SNX8: variants seen among roughly 807,000 people sequenced by gnomAD.
SNX8 encodes the protein sorting nexin 8, also known as sorting nexin-8.
SNX8 carries 25 observed loss-of-function variants against 51.6 expected under a neutral mutation model. The observed-to-expected ratio is 0.48, with a 90% CI of 0.35 to 0.68. The LOEUF is 0.68. SNX8 is among the 30% of genes least tolerant of loss of function. SNX8 has a pLI of 0.00. For synonymous variants in SNX8, 324 were observed against 277.0 expected (o/e 1.17, Z -1.68); for missense variants, 695 against 624.0 (o/e 1.11, Z -1.21).
At chr7:2,320,296 G>T (rs1181603391) in intron 1 of SNX8, among the ~76,000 whole-genome samples, 2 of 151,952 alleles carry the variant, frequency 1.3e-5, no homozygotes, top group East Asian at 1.9e-4. Flanking sequence ...CGGAGGTTGT[G>T]GGGGAGGATT....
At chr7:2,308,567 C>T (rs1185195885) in intron 1 of SNX8, among the ~76,000 whole-genome samples, 1 of 148,098 alleles carries the variant, frequency 6.8e-6, no homozygotes, top group Admixed American at 7.0e-5. Flanking sequence ...ACGGGGGAGA[C>T]TGAGGCAGGA....
intron 1 of SNX8, among the ~76,000 whole-genome samples, chr7:2,285,282 G>T (rs1326471312): frequency 6.6e-6 from 1 of 151,738 alleles, no homozygotes; most frequent in African/African-American, 2.4e-5. Context: ...CCAGCTACTT[G>T]GGAGGCTGAG....
chr7:2,266,597 G>C (rs989134941), intron 5 of SNX8, among the ~76,000 whole-genome samples: 1 of 152,048 alleles, frequency 6.6e-6, no homozygotes, highest in African/African-American at 2.4e-5. Flanking sequence ...CACCCGCCTC[G>C]GCCTCCCAAA....
intron 1 of SNX8, among the ~76,000 whole-genome samples, chr7:2,312,944 C>A (rs570506618): frequency 6.6e-6 from 1 of 152,116 alleles, no homozygotes; most frequent in Non-Finnish European, 1.5e-5. Context: ...GTCGCCCAGG[C>A]TGGAGTGCAG....
At position 2,345,207 on chromosome 7, in the gene SNX8, A is replaced by C. The variant is rs143085048; in HGVS notation, c.-66+9015T>G. ...AACCAAAACAACCTACTTTTATACG[A>C]ATGTGAAGTGAATAAGAAATTGTGA... On this transcript the variant is annotated intron_variant, in intron 1 of 5. Transcript: ENST00000435336. Among the ~76,000 whole-genome samples, 337 of 152,318 alleles carry C rather than the reference A, an allele frequency of 2.2e-3. No individual in the cohort carries two copies. In the East Asian group the frequency reaches 0.032, roughly 14 times the overall value.
In SNX8 at chr7:2,264,435, C is replaced by CT; in HGVS notation, c.644dup (p.Ala216GlyfsTer16). On this transcript the variant is annotated frameshift_variant, in exon 6 of 11. Transcript: ENST00000222990. LOFTEE classifies it high-confidence loss of function. The stretch of plus-strand genomic sequence containing the variant: ...GCTCCCGGCTGATGGCAAACTGAGC[C>CT]TGGATGTCAGCTGGGAGGAAGTCCT... The CT allele has an allele frequency of 6.2e-7, 1 of 1,611,708 alleles. No individual in the cohort carries two copies. Among genetic ancestry groups the CT allele is most frequent in the Non-Finnish European group, 8.5e-7 (1 of 1,179,880 alleles).
chr7:2,259,204 C>G (rs1034838120), intron 7 of SNX8, among the ~76,000 whole-genome samples: 1 of 152,186 alleles, frequency 6.6e-6, no homozygotes, highest in Non-Finnish European at 1.5e-5. Context: ...CTGACCTGCA[C>G]AGCTCACCAC....
Position 2,254,686 on chromosome 7 carries a change from A to ATGC in SNX8, c.*367_*369dup. 3.4e-6 allele frequency: 1 copy of ATGC among 292,568 alleles called. No individual in the cohort carries two copies. The highest frequency in any genetic ancestry group is 1.0e-4 in the East Asian group (1 of 9,914). 18.1% of individuals were successfully genotyped at this position (292,568 alleles called of 1,614,324 possible). A position where few individuals can be genotyped will look rare whatever the true frequency, so the allele number is the denominator to read the frequency against. On this transcript the variant is annotated 3_prime_UTR_variant, in exon 11 of 11. Coordinates refer to ENST00000222990, the MANE Select transcript of SNX8 (RefSeq NM_013321.4). The stretch of plus-strand genomic sequence containing the variant: ...TCTCCTCGGCTGACCGAGCACCATG[A>ATGC]TGCTGCCCCTCCCGACTGTTCCAGC...
chr7:2,278,106 G>A lies in SNX8; in HGVS notation c.294C>T (p.Ser98=), dbSNP rs138971908. The A allele has an allele frequency of 2.2e-5, 35 of 1,612,604 alleles. No homozygotes were observed. In the East Asian group the frequency reaches 7.6e-4, roughly 35 times the overall value. Residue 98 remains serine, a synonymous_variant, in exon 2 of 11, where the codon TCC becomes TCT. Coordinates refer to ENST00000222990, the MANE Select transcript of SNX8 (RefSeq NM_013321.4). ...CACACAATTTGCCAGTTACCTGGCT[G>A]GAAACCTCATACTCCACATGCTTCA... ...LFLKHVEYEV[S]SQRFKSSVYR... is the part of the protein sequence containing the mutation.
At position 2,269,939 on chromosome 7, in the gene SNX8, A is replaced by C. The variant is rs1795603202; in HGVS notation, c.541-300T>G. The stretch of plus-strand genomic sequence containing the variant: ...CCAGAGAAACAGCCACTCCATCCAC[A>C]GACCAGGGGCGGCTCTGCAGAGAAA... On this transcript the variant is annotated intron_variant, in intron 4 of 10. Transcript: ENST00000222990. 2.6e-5 allele frequency among the ~76,000 whole-genome samples: 4 copies of C among 152,264 alleles called. 1 individual carries two copies. In the South Asian group the frequency reaches 8.3e-4, roughly 32 times the overall value.
chr7:2,317,337 G>T (rs1227051668), upstream of SNX8, among the ~76,000 whole-genome samples: 1 of 125,450 alleles, frequency 8.0e-6, no homozygotes, highest in African/African-American at 3.0e-5. Context: ...GGAGGGCAGT[G>T]GCATGATCTT....
chr7:2,264,549 G>T, intron 5 of SNX8, 91 bp from the exon 6 acceptor site: 1 of 1,349,202 alleles, frequency 7.4e-7, no homozygotes, highest in Non-Finnish European at 1.0e-6. Context: ...GCTGAGCCAC[G>T]GGAGACACAG....
intron 3 of SNX8, among the ~76,000 whole-genome samples, chr7:2,273,637 C>A (rs1795702195): frequency 6.6e-6 from 1 of 151,238 alleles, no homozygotes; most frequent in Non-Finnish European, 1.5e-5. Flanking sequence ...GGTGCGGTGG[C>A]TCACACCTGT....
At position 2,270,925 on chromosome 7, in the gene SNX8, C is replaced by G. The variant is rs151270389; in HGVS notation, c.540+925G>C. Among the ~76,000 whole-genome samples the G allele has an allele frequency of 8.5e-5, 13 of 152,310 alleles. No individual in the cohort carries two copies. In the East Asian group the frequency reaches 1.9e-3, roughly 23 times the overall value. ...ACCTCTATTCCAGTGGAGCCCCCGC[C>G]CCTCCCCGCACAGGGAGAGGGTCCT... is the stretch of plus-strand genomic sequence containing the variant. On this transcript the variant is annotated intron_variant, in intron 4 of 10. Transcript: ENST00000222990.
chr7:2,329,789 C>T (rs1401225091), intron 1 of SNX8, among the ~76,000 whole-genome samples: 1 of 151,638 alleles, frequency 6.6e-6, no homozygotes, highest in Non-Finnish European at 1.5e-5. Flanking sequence ...CTGCCCCAGA[C>T]CTGGCCCTAG....
chr7:2,323,139 G>C lies in SNX8; in HGVS notation c.-66+31083C>G, dbSNP rs182053747. Among the ~76,000 whole-genome samples, 155 of 152,070 alleles carry C rather than the reference G, an allele frequency of 1.0e-3. 1 individual carries two copies. The highest frequency in any genetic ancestry group is 3.6e-3 in the African/African-American group (148 of 41,506). On this transcript the variant is annotated intron_variant, in intron 1 of 5. Transcript: ENST00000435336. ...GAGGTCAGGAGTTCTAGACCAGCCC[G>C]GCCAATACGGTGAAACCCCATTCCT...
intron 1 of SNX8, among the ~76,000 whole-genome samples, chr7:2,329,682 A>G (rs1298068538): frequency 2.6e-5 from 4 of 152,124 alleles, no homozygotes; most frequent in Non-Finnish European, 2.9e-5. Context: ...AAGCCTCCAT[A>G]AAAATCCAAG....
chr7:2,339,598 T>TGTATAAAATTTGG (rs1778886957), intron 1 of SNX8, among the ~76,000 whole-genome samples: 1 of 152,158 alleles, frequency 6.6e-6, no homozygotes, highest in Admixed American at 6.6e-5. Context: ...CCCAAATTGA[T>TGTATAAAATTTGG]GTATAAAATT....
At chr7:2,307,201 A>G (rs957133940) in intron 1 of SNX8, among the ~76,000 whole-genome samples, 4 of 152,026 alleles carry the variant, frequency 2.6e-5, no homozygotes, top group African/African-American at 9.7e-5. Context: ...ACCCTACCTG[A>G]TATTTTAATG....
Sources: gnomAD v4.1 joint callset for allele counts (sites outside exome capture counted in the v4.1 genomes callset) on GRCh38, gnomAD v4.1.1 for gene constraint, MANE v1.5 for transcripts, NCBI Gene and HGNC (gene_info 2026-07-23, HGNC 2026-07-21) for gene names.